The following TLN2 variants were observed in gnomAD, a reference collection of about 807,000 sequenced individuals.
TLN2 encodes the protein talin-2.
A neutral mutation model predicts 294.7 loss-of-function variants in TLN2; 118 were observed. The ratio of observed to expected loss-of-function variants is 0.40; its 90% CI spans 0.34 to 0.47. The LOEUF is 0.47. Among genes scored for constraint, TLN2 ranks in the 20% least tolerant of loss-of-function variants. The probability of loss-of-function intolerance (pLI) is 0.84; values close to 1 mark genes in which losing one functional copy is unlikely to be tolerated. For synonymous variants in TLN2, 1,431 were observed against 1,304.5 expected, an observed-to-expected ratio of 1.10 and a Z score of -2.09; for missense variants, 3,083 against 3,282.2, an observed-to-expected ratio of 0.94 and a Z score of 1.48.
chr15:62,409,304 T>G (rs1040542660), intron 1 of TLN2, among the ~76,000 whole-genome samples: 1 of 152,194 alleles, frequency 6.6e-6, no homozygotes, highest in Admixed American at 6.5e-5. Flanking sequence ...TTAGGTATAC[T>G]GAAGTTTAAA....
chr15:62,498,049 A>G (rs2039100150), intron 1 of TLN2, among the ~76,000 whole-genome samples: 2 of 151,298 alleles, frequency 1.3e-5, no homozygotes, highest in South Asian at 4.2e-4. Context: ...GGAGTTCGAG[A>G]GCAGCCTGGG....
chr15:62,533,691 G>T (rs1368639478), intron 1 of TLN2, among the ~76,000 whole-genome samples: 1 of 152,162 alleles, frequency 6.6e-6, no homozygotes, highest in Non-Finnish European at 1.5e-5. Flanking sequence ...GAATTATGAT[G>T]GCAGGTATTT....
chr15:62,494,249 G>A (rs1226561861), intron 1 of TLN2, among the ~76,000 whole-genome samples: 1 of 151,980 alleles, frequency 6.6e-6, no homozygotes, highest in East Asian at 1.9e-4. Flanking sequence ...TAGGCTGAGG[G>A]CAGTGGACCC....
chr15:62,450,214 C>A (rs1259144486), intron 1 of TLN2, among the ~76,000 whole-genome samples: 1 of 152,082 alleles, frequency 6.6e-6, no homozygotes, highest in African/African-American at 2.4e-5. Flanking sequence ...CGTTCTTCTC[C>A]CACCAACCAC....
At chr15:62,450,559 G>C (rs1322274373) in intron 1 of TLN2, among the ~76,000 whole-genome samples, 1 of 145,132 alleles carries the variant, frequency 6.9e-6, no homozygotes, top group Non-Finnish European at 1.5e-5. Context: ...GTGTGTGTGT[G>C]TGTGTGTGTG....
intron 52 of TLN2, among the ~76,000 whole-genome samples, chr15:62,818,439 T>C (rs902819296): frequency 6.6e-6 from 1 of 152,290 alleles, no homozygotes; most frequent in South Asian, 2.1e-4. Context: ...AGATCCCTGG[T>C]GGAAGATGGG....
At chr15:62,626,571 G>A (rs7182028) in intron 3 of TLN2, among the ~76,000 whole-genome samples, 97,959 of 152,048 alleles carry the variant, frequency 0.64, 32,010 homozygotes, top group Middle Eastern at 0.83. Context: ...TGAGACTGAA[G>A]TTTGCATTTT....
At chr15:62,510,085 G>T (rs2039850940) in intron 1 of TLN2, among the ~76,000 whole-genome samples, 1 of 152,190 alleles carries the variant, frequency 6.6e-6, no homozygotes. Context: ...TTCATTCTTT[G>T]TGGGGTTTGT....
intron 1 of TLN2, among the ~76,000 whole-genome samples, chr15:62,577,119 G>A (rs1271741251): frequency 2.6e-5 from 4 of 152,316 alleles, no homozygotes; most frequent in South Asian, 2.1e-4. Context: ...TTTTCTTAGG[G>A]AAAACAGCTT....
chr15:62,753,401 C>T (rs1453527376), intron 35 of TLN2, among the ~76,000 whole-genome samples: 6 of 152,170 alleles, frequency 3.9e-5, no homozygotes, highest in African/African-American at 9.7e-5. Context: ...TTGTGCCTCT[C>T]CTGTCTGCCA....
Position 62,776,793 on chromosome 15 carries a change from G to C in TLN2, c.5397G>C (p.Glu1799Asp), listed in dbSNP as rs1178616347. 6 of 1,592,996 alleles carry C rather than the reference G, an allele frequency of 3.8e-6. No homozygotes were observed. Among genetic ancestry groups the C allele is most frequent in the African/African-American group, 2.7e-5 (2 of 73,620 alleles). Reference protein sequence around the residue: ...KAQHTHDAITEAAQLMKEAVD... With the variant: ...KAQHTHDAITDAAQLMKEAVD... ...AACACACCCATGACGCCATCACAGA[G>C]GCCGCCCAGTTGATGAAGGAAGCCG... is the stretch of plus-strand genomic sequence containing the variant. The change falls in exon 43 of 59, where the codon GAG becomes GAC. Residue 1799 changes from glutamate to aspartate, a missense_variant. Physicochemically the swap from Glu to Asp is conservative, Grantham distance 45 (BLOSUM62 2). Coordinates refer to ENST00000636159, the MANE Select transcript of TLN2 (RefSeq NM_015059.3).
At chr15:62,655,486 T>G (rs1010768271) in intron 7 of TLN2, among the ~76,000 whole-genome samples, 3 of 152,184 alleles carry the variant, frequency 2.0e-5, no homozygotes, top group Admixed American at 2.0e-4. Flanking sequence ...AGAGGTAACT[T>G]ACTATGCTCA....
At chr15:62,741,748 C>CGCGCGCGCGCGT in intron 32 of TLN2, among the ~76,000 whole-genome samples, 53 of 131,164 alleles carry the variant, frequency 4.0e-4, no homozygotes, top group African/African-American at 1.5e-3. Context: ...AAAATTTGCG[C>CGCGCGCGCGCGT]GTGTGTGTGT....
At chr15:62,488,378 C>T (rs763862317) in intron 1 of TLN2, among the ~76,000 whole-genome samples, 7 of 152,198 alleles carry the variant, frequency 4.6e-5, no homozygotes, top group Non-Finnish European at 1.0e-4. Context: ...AAAGGCTTAA[C>T]CAAGCAGTGG....
At chr15:62,583,445 C>A (rs927738324) in intron 1 of TLN2, among the ~76,000 whole-genome samples, 26 of 151,990 alleles carry the variant, frequency 1.7e-4, no homozygotes, top group African/African-American at 6.3e-4. Flanking sequence ...CAAAAAGTTT[C>A]TTCTAACCCA....
chr15:62,582,147 G>C (rs568089245), intron 1 of TLN2, among the ~76,000 whole-genome samples: 1 of 147,440 alleles, frequency 6.8e-6, no homozygotes, highest in South Asian at 2.2e-4. Context: ...GTCCCAGGGA[G>C]AATGATCATA....
chr15:62,540,245 C>T (rs2041599965), intron 1 of TLN2, among the ~76,000 whole-genome samples: 1 of 152,064 alleles, frequency 6.6e-6, no homozygotes. Context: ...GAGGCTGAGG[C>T]AGGAGAATCG....
chr15:62,559,391 A>T (rs377191475), intron 1 of TLN2, among the ~76,000 whole-genome samples: 42 of 152,162 alleles, frequency 2.8e-4, no homozygotes, highest in African/African-American at 9.4e-4. Context: ...GGGATTATCA[A>T]TGTTGTCCCC....
At position 62,752,343 on chromosome 15, in the gene TLN2, C is replaced by A; in HGVS notation, c.4248C>A (p.Ala1416=). 1.2e-6 allele frequency: 2 copies of A among 1,614,058 alleles called. No homozygotes were observed. Among genetic ancestry groups the A allele is most frequent in the Non-Finnish European group, 1.7e-6 (2 of 1,180,008 alleles). ...GESMAGISQN[A]KTGDLPAFGE... ...CGATGGCAGGGATTTCACAGAATGC[C>A]AAGACCGGAGACCTCCCTGCCTTTG... Residue 1416 remains alanine (A), a synonymous_variant, in exon 35 of 59, where the codon GCC becomes GCA. Coordinates refer to ENST00000636159, the MANE Select transcript of TLN2 (RefSeq NM_015059.3).
Sources: allele counts gnomAD v4.1 joint callset (sites outside exome capture counted in the v4.1 genomes callset), GRCh38; gene constraint gnomAD v4.1.1; transcripts MANE v1.5; gene names NCBI Gene and HGNC (gene_info 2026-07-23, HGNC 2026-07-21).